EYS: variants seen among roughly 807,000 people sequenced by gnomAD.
EYS encodes the protein protein eyes shut homolog.
In EYS, 250 loss-of-function variants were observed where a neutral mutation model predicts 282.1. The ratio of observed to expected loss-of-function variants is 0.89; its 90% CI spans 0.80 to 0.98. The LOEUF is 0.98. Ranked by LOEUF, EYS falls within the 50% of genes least tolerant of loss-of-function variation. EYS has a pLI of 0.00. For missense variants in EYS, 4,016 were observed against 3,709.0 expected (o/e 1.08, Z -2.15); for synonymous variants, 1,355 against 1,282.9 (o/e 1.06, Z -1.20).
intron 24 of EYS, among the ~76,000 whole-genome samples, chr6:64,603,051 G>A (rs1033830010): frequency 4.6e-5 from 7 of 151,928 alleles, no homozygotes; most frequent in Non-Finnish European, 1.0e-4. Context: ...ACAAGGCTAG[G>A]ACATTAGAAT....
Position 64,813,363 on chromosome 6 carries a change from T to A in EYS, c.3443+15A>T, listed in dbSNP as rs368792356. 3.3e-6 allele frequency: 5 copies of A among 1,529,898 alleles called. No homozygotes were observed. The highest frequency in any genetic ancestry group is 1.7e-4 in the Middle Eastern group (1 of 5,928). 94.8% of individuals were successfully genotyped at this position (1,529,898 alleles called of 1,614,324 possible). On this transcript the variant is annotated intron_variant, in intron 22 of 42. Transcript: ENST00000503581. ...AAATATATATTTACTTACTTGTGGG[T>A]AAATAAATACTGACCTGCAGTCAAA...
At chr6:65,361,457 T>C (rs1414835574) in intron 8 of EYS, among the ~76,000 whole-genome samples, 1 of 151,698 alleles carries the variant, frequency 6.6e-6, no homozygotes, top group Non-Finnish European at 1.5e-5. Flanking sequence ...TCTCTTTTTT[T>C]TTCTTTCCTT....
intron 2 of EYS, among the ~76,000 whole-genome samples, chr6:65,615,795 G>C (rs1186620089): frequency 6.6e-6 from 1 of 151,832 alleles, no homozygotes; most frequent in Non-Finnish European, 1.5e-5. Flanking sequence ...TTAGCCGGTC[G>C]TGGTGGCGGG....
intron 12 of EYS, among the ~76,000 whole-genome samples, chr6:65,157,820 G>A (rs1429991605): frequency 1.3e-5 from 2 of 150,280 alleles, no homozygotes; most frequent in Admixed American, 6.7e-5. Flanking sequence ...ACTTTAACAT[G>A]TTTTCTTTGA....
intron 30 of EYS, among the ~76,000 whole-genome samples, chr6:64,286,414 CAG>C (rs1040146377): frequency 1.1e-4 from 17 of 152,102 alleles, no homozygotes; most frequent in African/African-American, 4.1e-4. Context: ...ATCTTTCTTA[CAG>C]AGTCAATTGA....
intron 2 of EYS, among the ~76,000 whole-genome samples, chr6:65,622,755 CTTT>C (rs35201653): frequency 2.1e-4 from 30 of 143,144 alleles, no homozygotes; most frequent in East Asian, 1.4e-3. Context: ...AATAATCTTT[CTTT>C]TTTTTTTTTT....
At chr6:65,125,605 C>T (rs889004795) in intron 12 of EYS, among the ~76,000 whole-genome samples, 2 of 151,984 alleles carry the variant, frequency 1.3e-5, no homozygotes, top group Non-Finnish European at 2.9e-5. Context: ...ATAAAGAATC[C>T]GACCAAAATT....
At chr6:64,730,637 C>A (rs1363354964) in intron 22 of EYS, among the ~76,000 whole-genome samples, 1 of 152,024 alleles carries the variant, frequency 6.6e-6, no homozygotes, top group Admixed American at 6.5e-5. Flanking sequence ...ACCACCATGC[C>A]CAGCTAATTT....
intron 31 of EYS, among the ~76,000 whole-genome samples, chr6:64,153,582 A>G (rs2150296074): frequency 6.6e-6 from 1 of 152,372 alleles, no homozygotes; most frequent in East Asian, 1.9e-4. Flanking sequence ...TATTAGGGAA[A>G]GCAAGACAGA....
intron 1 of EYS, among the ~76,000 whole-genome samples, chr6:65,696,092 C>T (rs1424789684): frequency 6.6e-6 from 1 of 151,840 alleles, no homozygotes; most frequent in Admixed American, 6.6e-5. Flanking sequence ...TCCTATAAAA[C>T]AAAACAAAAG....
Position 63,768,575 on chromosome 6 carries a change from G to T in EYS, c.7899-5942C>A, listed in dbSNP as rs944815599. 2.6e-5 allele frequency among the ~76,000 whole-genome samples: 4 copies of T among 151,966 alleles called. No individual in the cohort carries two copies. In the South Asian group the frequency reaches 8.3e-4, roughly 32 times the overall value. On this transcript the variant is annotated intron_variant, in intron 40 of 42. Transcript: ENST00000503581. ...GGCTATTATAAAATGTAAAAAAAAT[G>T]ACAGCCATTGGTGAGGTTGCAATGA...
intron 33 of EYS, among the ~76,000 whole-genome samples, chr6:64,031,930 G>A (rs1294556127): frequency 6.6e-6 from 1 of 152,094 alleles, no homozygotes; most frequent in Non-Finnish European, 1.5e-5. Flanking sequence ...ACCTGCTCTG[G>A]TCCCCTTCCA....
intron 19 of EYS, among the ~76,000 whole-genome samples, chr6:64,867,062 T>G (rs925337321): frequency 6.6e-6 from 1 of 151,842 alleles, no homozygotes; most frequent in African/African-American, 2.4e-5. Flanking sequence ...GAACTCACTA[T>G]GCATAAATAA....
chr6:65,272,850 G>T (rs1238186372), intron 12 of EYS, among the ~76,000 whole-genome samples: 1 of 152,064 alleles, frequency 6.6e-6, no homozygotes, highest in Non-Finnish European at 1.5e-5. Context: ...ATATTGGCAT[G>T]AGCGGCCTTA....
intron 12 of EYS, among the ~76,000 whole-genome samples, chr6:65,154,633 C>G (rs1479425342): frequency 6.6e-6 from 1 of 151,480 alleles, no homozygotes; most frequent in African/African-American, 2.4e-5. Flanking sequence ...GTGAGAAGAG[C>G]AGGAGAACTT....
intron 35 of EYS, among the ~76,000 whole-genome samples, chr6:63,896,707 A>G (rs1773544980): frequency 1.3e-5 from 2 of 152,178 alleles, no homozygotes; most frequent in African/African-American, 4.8e-5. Context: ...TGCTCTGCCT[A>G]TTCATCCATT....
intron 22 of EYS, among the ~76,000 whole-genome samples, chr6:64,647,572 CCA>C (rs1768400168): frequency 6.6e-6 from 1 of 152,058 alleles, no homozygotes; most frequent in African/African-American, 2.4e-5. Flanking sequence ...TGGCACTATA[CCA>C]ATGATTATCA....
At chr6:64,613,218 A>T (rs958378041) in intron 24 of EYS, among the ~76,000 whole-genome samples, 1 of 152,148 alleles carries the variant, frequency 6.6e-6, no homozygotes. Flanking sequence ...GAACAATCCC[A>T]TAAAGCCTTC....
intron 40 of EYS, among the ~76,000 whole-genome samples, chr6:63,768,886 C>T (rs975630940): frequency 2.6e-5 from 4 of 152,078 alleles, no homozygotes; most frequent in Non-Finnish European, 5.9e-5. Context: ...GAATACTACA[C>T]AGCCATTGAA....
Sources: allele counts gnomAD v4.1 joint callset (sites outside exome capture counted in the v4.1 genomes callset), GRCh38; gene constraint gnomAD v4.1.1; transcripts MANE v1.5; gene names NCBI Gene and HGNC (gene_info 2026-07-23, HGNC 2026-07-21).